The following LDLRAD3 variants were observed in gnomAD, a reference collection of about 807,000 sequenced individuals.
LDLRAD3 encodes the protein low density lipoprotein receptor class A domain containing 3.
A neutral mutation model predicts 29.4 loss-of-function variants in LDLRAD3; 20 were observed. The ratio of observed to expected loss-of-function variants is 0.68; its 90% CI spans 0.48 to 0.99. The LOEUF (loss-of-function observed/expected upper bound fraction) is 0.99. LDLRAD3 is among the 50% of genes least tolerant of loss of function. The pLI is 0.00. For missense variants in LDLRAD3, 420 were observed against 454.3 expected, an observed-to-expected ratio of 0.92 and a Z score of 0.69; for synonymous variants, 157 against 192.7, an observed-to-expected ratio of 0.81 and a Z score of 1.53.
At chr11:36,128,167 T>C (rs995172618) in intron 4 of LDLRAD3, among the ~76,000 whole-genome samples, 2 of 145,094 alleles carry the variant, frequency 1.4e-5, no homozygotes, top group Non-Finnish European at 3.1e-5. Context: ...AAACTTAGAA[T>C]GGGAACTGAA....
intron 4 of LDLRAD3, among the ~76,000 whole-genome samples, chr11:36,199,598 C>T (rs937726618): frequency 6.8e-5 from 10 of 146,318 alleles, no homozygotes; most frequent in Admixed American, 1.4e-4. Context: ...CGCACGCACG[C>T]GTGCGCGCAC....
Position 36,133,811 on chromosome 11 carries a change from A to G in LDLRAD3, c.454+35350A>G, listed in dbSNP as rs192466748. ...CTCAGCCTCCCAAAGTGTTGGTATT[A>G]CAGGCATGAGCCACCGCGCCCGGCC... On this transcript the variant is annotated intron_variant, in intron 4 of 5. Coordinates refer to ENST00000315571, the MANE Select transcript of LDLRAD3 (RefSeq NM_174902.4). 3.4e-3 allele frequency among the ~76,000 whole-genome samples: 517 copies of G among 152,150 alleles called. 2 individuals are homozygous for G. Among genetic ancestry groups the G allele is most frequent in the African/African-American group, 0.012 (486 of 41,504 alleles).
At position 36,028,196 on chromosome 11, in the gene LDLRAD3, C is replaced by T. The variant is rs567524263; in HGVS notation, c.47-7907C>T. Among the ~76,000 whole-genome samples, 9 of 152,276 alleles carry T rather than the reference C, an allele frequency of 5.9e-5. No homozygotes were observed. In the South Asian group the frequency reaches 1.9e-3, roughly 32 times the overall value. On this transcript the variant is annotated intron_variant, in intron 1 of 5. Coordinates refer to ENST00000315571, the MANE Select transcript of LDLRAD3 (RefSeq NM_174902.4). The stretch of plus-strand genomic sequence containing the variant: ...GTCAACTCCTGTTTAGATAAATTCA[C>T]AGAATTTAAGAATGTCAGAACTGGA...
chr11:36,027,876 G>A lies in LDLRAD3; in HGVS notation c.47-8227G>A, dbSNP rs115285961. On this transcript the variant is annotated intron_variant, in intron 1 of 5. Transcript: ENST00000315571. ...TATCACAAGCCAGATAAAATTGGTCGTAAAGTTGTCTCCTCCTTCAGTTTA... is the reference window on the plus strand; with the variant it reads ...TATCACAAGCCAGATAAAATTGGTCATAAAGTTGTCTCCTCCTTCAGTTTA... Among the ~76,000 whole-genome samples the A allele has an allele frequency of 5.3e-4, 81 of 152,314 alleles. 1 individual carries two copies. The highest frequency in any genetic ancestry group is 1.7e-3 in the African/African-American group (72 of 41,576).
chr11:35,966,581 G>T (rs935130227), intron 1 of LDLRAD3, among the ~76,000 whole-genome samples: 1 of 152,160 alleles, frequency 6.6e-6, no homozygotes, highest in Non-Finnish European at 1.5e-5. Flanking sequence ...CAGTCAGAAC[G>T]TGGCCACAAG....
chr11:36,133,547 CTTTTTTTT>C (rs67935336), intron 4 of LDLRAD3, among the ~76,000 whole-genome samples: 5 of 119,904 alleles, frequency 4.2e-5, no homozygotes, highest in African/African-American at 9.6e-5. Flanking sequence ...TTTTTCTTTT[CTTTTTTTT>C]TTTTTTTTTT....
intron 4 of LDLRAD3, among the ~76,000 whole-genome samples, chr11:36,226,812 CA>C (rs1343499870): frequency 6.6e-6 from 1 of 152,168 alleles, no homozygotes; most frequent in Non-Finnish European, 1.5e-5. Flanking sequence ...TGGCTTAGTT[CA>C]CTGCATCATG....
chr11:36,208,169 T>C (rs1367165845), intron 4 of LDLRAD3, among the ~76,000 whole-genome samples: 4 of 152,042 alleles, frequency 2.6e-5, no homozygotes, highest in Non-Finnish European at 5.9e-5. Context: ...AACATGGAGG[T>C]GCATTGAAAG....
At chr11:35,986,716 G>C (rs929089499) in intron 1 of LDLRAD3, among the ~76,000 whole-genome samples, 6 of 152,182 alleles carry the variant, frequency 3.9e-5, no homozygotes, top group African/African-American at 1.4e-4. Flanking sequence ...CCCTAAAAGT[G>C]ATACATGTCC....
chr11:36,145,193 C>T (rs76349263), intron 4 of LDLRAD3, among the ~76,000 whole-genome samples: 7 of 108,294 alleles, frequency 6.5e-5, no homozygotes, highest in Non-Finnish European at 7.7e-5. Flanking sequence ...CTGCCCCGTC[C>T]GGGAGGGAGG....
chr11:36,092,552 A>G lies in LDLRAD3; in HGVS notation c.320-5775A>G, dbSNP rs1853299355. On this transcript the variant is annotated intron_variant, in intron 3 of 5. Transcript: ENST00000315571. Reference sequence around the variant, plus strand: ...CTGCTCACCCTTCCCAGTCTCTGTTATCTATTTTTCCACTCTCTACCACCG... The same window carrying G: ...CTGCTCACCCTTCCCAGTCTCTGTTGTCTATTTTTCCACTCTCTACCACCG... Among the ~76,000 whole-genome samples the G allele has an allele frequency of 2.0e-5, 3 of 151,950 alleles. No individual in the cohort carries two copies. In the South Asian group the frequency reaches 6.2e-4, roughly 32 times the overall value.
intron 5 of LDLRAD3, among the ~76,000 whole-genome samples, chr11:36,228,941 G>T (rs144629419): frequency 6.6e-6 from 1 of 152,316 alleles, no homozygotes; most frequent in South Asian, 2.1e-4. Context: ...TTTTGGCACC[G>T]TCCGGTCAAC....
At chr11:36,093,741 A>G (rs1853318160) in intron 3 of LDLRAD3, among the ~76,000 whole-genome samples, 1 of 152,176 alleles carries the variant, frequency 6.6e-6, no homozygotes, top group African/African-American at 2.4e-5. Flanking sequence ...AGATATGCTG[A>G]CAATTTGAAG....
At chr11:35,976,965 T>C (rs1215533850) in intron 1 of LDLRAD3, among the ~76,000 whole-genome samples, 1 of 152,210 alleles carries the variant, frequency 6.6e-6, no homozygotes, top group Non-Finnish European at 1.5e-5. Context: ...TTACAACATA[T>C]TTACAAATGT....
At position 36,145,503 on chromosome 11, in the gene LDLRAD3, T is replaced by G. The variant is rs866479181; in HGVS notation, c.454+47042T>G. 5.5e-3 allele frequency among the ~76,000 whole-genome samples: 816 copies of G among 149,022 alleles called. 8 individuals are homozygous for G. Among genetic ancestry groups the G allele is most frequent in the African/African-American group, 0.019 (770 of 40,136 alleles). The stretch of plus-strand genomic sequence containing the variant: ...CCCGGCCACCACCCCGTCTGGGAGG[T>G]GTACTCAACAGCTCATTGAGAACAG... On this transcript the variant is annotated intron_variant, in intron 4 of 5. Transcript: ENST00000315571.
intron 1 of LDLRAD3, among the ~76,000 whole-genome samples, chr11:35,953,977 T>C (rs1851169975): frequency 1.3e-5 from 2 of 152,132 alleles, no homozygotes; most frequent in South Asian, 4.1e-4. Flanking sequence ...AGAGATAAAG[T>C]TGGAAAGAAT....
intron 2 of LDLRAD3, among the ~76,000 whole-genome samples, chr11:36,080,088 GC>G (rs767544533): frequency 2.6e-5 from 4 of 152,188 alleles, no homozygotes; most frequent in Non-Finnish European, 4.4e-5. Context: ...GCCAAAGTCA[GC>G]ATGTTACAGA....
At chr11:36,104,280 C>G (rs1032145281) in intron 4 of LDLRAD3, among the ~76,000 whole-genome samples, 1 of 152,208 alleles carries the variant, frequency 6.6e-6, no homozygotes, top group Non-Finnish European at 1.5e-5. Flanking sequence ...CTCCCCTAGT[C>G]AAACAGAGAC....
chr11:36,022,146 T>C (rs1852105649), intron 1 of LDLRAD3, among the ~76,000 whole-genome samples: 1 of 152,206 alleles, frequency 6.6e-6, no homozygotes, highest in African/African-American at 2.4e-5. Flanking sequence ...TGTTCTTTCA[T>C]CTCGCCTGGT....
Sources: allele counts gnomAD v4.1 joint callset (sites outside exome capture counted in the v4.1 genomes callset), GRCh38; gene constraint gnomAD v4.1.1; transcripts MANE v1.5; gene names NCBI Gene and HGNC (gene_info 2026-07-23, HGNC 2026-07-21).